Variants in ARVCF observed in about 807,000 individuals in gnomAD.
The protein encoded by ARVCF is ARVCF delta catenin family member, also known as splicing regulator ARVCF.
A neutral mutation model predicts 90.9 loss-of-function variants in ARVCF; 66 were observed. The ratio of observed to expected loss-of-function variants is 0.73; its 90% CI spans 0.60 to 0.89. ARVCF has a LOEUF of 0.89. Ranked by LOEUF, ARVCF falls within the 40% of genes least tolerant of loss-of-function variation. The probability of loss-of-function intolerance (pLI) is 0.00; values close to 1 mark genes in which losing one functional copy is unlikely to be tolerated. For missense variants in ARVCF, 1,469 were observed against 1,382.3 expected (o/e 1.06, Z -1.00); for synonymous variants, 653 against 603.4 (o/e 1.08, Z -1.21).
chr22:20,008,727 G>T (rs759168911), intron 2 of ARVCF, among the ~76,000 whole-genome samples: 2 of 152,208 alleles, frequency 1.3e-5, no homozygotes, highest in African/African-American at 2.4e-5. Context: ...AGCCCAGGTT[G>T]CCCAAGCCAG....
chr22:20,016,360 C>T (rs1346914707), intron 1 of ARVCF, among the ~76,000 whole-genome samples: 5 of 152,114 alleles, frequency 3.3e-5, no homozygotes, highest in Non-Finnish European at 7.4e-5. Context: ...CCGCCCCCGC[C>T]GGCCCGGGGT....
chr22:19,972,961 G>C lies in ARVCF; in HGVS notation c.2514C>G (p.Thr838=), dbSNP rs775623105. 6.2e-7 allele frequency: 1 copy of C among 1,613,724 alleles called. No homozygotes were observed. The highest frequency in any genetic ancestry group is 8.5e-7 in the Non-Finnish European group (1 of 1,180,042). The change falls in exon 15 of 20, where the codon ACC becomes ACG. Residue 838 remains threonine, a synonymous_variant. Coordinates refer to ENST00000263207, the MANE Select transcript of ARVCF (RefSeq NM_001670.3). The part of the protein sequence containing the change: ...TVWSYKELRG[T]LQKDGWTKAR... ...CCTTGGTCCAACCATCTTTCTGCAA[G>C]GTACCACGCAGCTCCTTGTAGCTCC...
At chr22:20,005,330 C>T (rs976176760) in intron 2 of ARVCF, among the ~76,000 whole-genome samples, 2 of 150,790 alleles carry the variant, frequency 1.3e-5, no homozygotes, top group African/African-American at 4.9e-5. Context: ...CAAATCAAGG[C>T]TGCAATGAAA....
At chr22:19,980,356 G>A in intron 5 of ARVCF, 114 bp from the exon 6 acceptor site, 9 of 1,373,394 alleles carry the variant, frequency 6.6e-6, no homozygotes, top group Non-Finnish European at 8.5e-6. Flanking sequence ...GCGCTGGGCT[G>A]AGAGCACCTG....
At chr22:19,968,520 C>A, downstream of ARVCF, 1 of 1,612,436 alleles carries the variant, frequency 6.2e-7, no homozygotes. Flanking sequence ...TCCCCCACCC[C>A]CCGGTCTGTT....
intron 19 of ARVCF, 36 bp downstream of exon 19, chr22:19,971,180 G>A (rs1308945344): frequency 1.3e-6 from 2 of 1,551,272 alleles, no homozygotes; most frequent in East Asian, 2.4e-5. Flanking sequence ...CAGAGGGCAG[G>A]AACAGGTGGA....
Position 19,972,400 on chromosome 22 carries a change from T to C in ARVCF, c.2653A>G (p.Thr885Ala). 6.2e-7 allele frequency: 1 copy of C among 1,613,514 alleles called. No homozygotes were observed. Among genetic ancestry groups the C allele is most frequent in the Non-Finnish European group, 8.5e-7 (1 of 1,179,968 alleles). The part of the protein sequence containing the change: ...LVDKSLEGEK[T>A]GSRDVIPMDA... ...ATGGGGATCACATCCCGGCTGCCAGTTTTCTCGCCCTCTGCAAGGCAGGAG... is the reference window on the plus strand; with the variant it reads ...ATGGGGATCACATCCCGGCTGCCAGCTTTCTCGCCCTCTGCAAGGCAGGAG... Residue 885 changes from threonine (T) to alanine (A), a missense_variant, in exon 17 of 20, where the codon ACT (threonine) becomes GCT (alanine). Physicochemically the swap from Thr to Ala is moderately conservative, Grantham distance 58 (BLOSUM62 0). Coordinates refer to ENST00000263207, the MANE Select transcript of ARVCF (RefSeq NM_001670.3).
At chr22:19,979,577 G>A (rs1183001177) in intron 6 of ARVCF, among the ~76,000 whole-genome samples, 166 bp downstream of exon 6, 2 of 152,224 alleles carry the variant, frequency 1.3e-5, no homozygotes, top group Non-Finnish European at 2.9e-5. Context: ...CTGTCACAGT[G>A]TCTGGGCCTG....
chr22:19,972,259 C>T, intron 17 of ARVCF, 99 bp downstream of exon 17: 6 of 1,517,906 alleles, frequency 4.0e-6, no homozygotes, highest in Non-Finnish European at 5.5e-6. Context: ...TATCTCTCCT[C>T]CACCCAGCAC....
chr22:20,012,092 C>A (rs1168493677), intron 1 of ARVCF, among the ~76,000 whole-genome samples: 2 of 140,976 alleles, frequency 1.4e-5, no homozygotes, highest in African/African-American at 5.2e-5. Context: ...CCCCCCCCCA[C>A]CCAGTTGGGG....
rs929456733 is a variant in ARVCF, at chr22:19,972,908, G to A, written c.2550+17C>T. The stretch of plus-strand genomic sequence containing the variant: ...CAAAGTGAGCAGGGAATGGAAGGAA[G>A]GCCAGGGAAGCCGCACCTGGAAGCG... On this transcript the variant is annotated intron_variant, in intron 15 of 19. Transcript: ENST00000263207. The A allele has an allele frequency of 1.2e-5, 19 of 1,613,734 alleles. No homozygotes were observed. Among genetic ancestry groups the A allele is most frequent in the African/African-American group, 5.3e-5 (4 of 74,936 alleles).
chr22:20,009,549 A>G (rs1944751980), intron 2 of ARVCF, among the ~76,000 whole-genome samples: 1 of 152,000 alleles, frequency 6.6e-6, no homozygotes, highest in South Asian at 2.1e-4. Context: ...TTTTGGGGGG[A>G]CAGGCAGATG....
In ARVCF at chr22:19,980,211, C is replaced by G. The variant is rs559742829; in HGVS notation, c.928G>C (p.Glu310Gln). 1.3e-6 allele frequency: 2 copies of G among 1,543,206 alleles called. No homozygotes were observed. The highest frequency in any genetic ancestry group is 2.3e-5 in the East Asian group (1 of 43,950). Reference protein sequence around the residue: ...AYEDTADDGGELADERPAFPM... With the variant: ...AYEDTADDGGQLADERPAFPM... ...AACGCAGGCCGCTCGTCCGCCAGCT[C>G]GCCGCCATCATCTGCTGTGTCCTCG... The change falls in exon 6 of 20, where the codon GAG becomes CAG. Residue 310 changes from glutamate (E) to glutamine (Q), a missense_variant. Transcript: ENST00000263207.
chr22:19,980,111 G>C lies in ARVCF; in HGVS notation c.1028C>G (p.Ser343Trp). The change falls in exon 6 of 20, where the codon TCG (serine) becomes TGG (tryptophan). Residue 343 changes from serine (S) to tryptophan (W), a missense_variant. Coordinates refer to ENST00000263207, the MANE Select transcript of ARVCF (RefSeq NM_001670.3). ...CTTGCGGGCGCTATCCACTGAGGGC[G>C]AGCGCCGCACCAGCCGGTCCAGGCT... is the stretch of plus-strand genomic sequence containing the variant. ...MGSLDRLVRR[S>W]PSVDSARKEP... is the part of the protein sequence containing the mutation. The C allele has an allele frequency of 6.3e-7, 1 of 1,586,818 alleles. No homozygotes were observed. Among genetic ancestry groups the C allele is most frequent in the Non-Finnish European group, 8.5e-7 (1 of 1,169,974 alleles).
chr22:19,973,903 G>A (rs1183455356), intron 12 of ARVCF, 110 bp from the exon 13 acceptor site: 5 of 1,501,788 alleles, frequency 3.3e-6, no homozygotes, highest in African/African-American at 2.8e-5. Flanking sequence ...GCCCGACAAA[G>A]CCCTACCCCA....
intron 2 of ARVCF, among the ~76,000 whole-genome samples, chr22:19,998,651 C>T (rs144474030): frequency 1.2e-3 from 177 of 152,294 alleles, no homozygotes; most frequent in African/African-American, 4.0e-3. Context: ...AAAGAACACA[C>T]TCTGCTTAGA....
Position 19,973,218 on chromosome 22 carries a change from A to C in ARVCF, c.2339T>G (p.Leu780Arg). ...GGACACGATTTCGTGGATGGTGTTG[A>C]GCACCGCCACCACGGTGTCTTCCTC... ...CLEEDTVVAV[L>R]NTIHEIVSDS... Residue 780 changes from leucine (L) to arginine (R), a missense_variant, in exon 14 of 20, where the codon CTC becomes CGC. Leu to Arg is a moderately radical substitution (Grantham distance 102). Transcript: ENST00000263207. The C allele has an allele frequency of 6.2e-7, 1 of 1,610,722 alleles. No homozygotes were observed. Among genetic ancestry groups the C allele is most frequent in the Non-Finnish European group, 8.5e-7 (1 of 1,179,196 alleles).
In ARVCF at chr22:19,973,790, C is replaced by T; in HGVS notation, c.2092G>A (p.Ala698Thr). The T allele has an allele frequency of 6.2e-7, 1 of 1,604,018 alleles. No homozygotes were observed. The highest frequency in any genetic ancestry group is 8.5e-7 in the Non-Finnish European group (1 of 1,178,510). ...QNLSAGNWMW[A>T]TYIRATVRKE... The stretch of plus-strand genomic sequence containing the variant: ...CGCACTGTGGCGCGGATGTACGTGG[C>T]CCACTGCGGAGGCGGGGAGAGGGTT... Residue 698 changes from alanine (A) to threonine (T), a missense_variant, in exon 13 of 20, where the codon GCC becomes ACC. Coordinates refer to ENST00000263207, the MANE Select transcript of ARVCF (RefSeq NM_001670.3).
In ARVCF at chr22:19,978,047, G is replaced by A. The variant is rs1943262912; in HGVS notation, c.1609C>T (p.Arg537Trp). 5.6e-6 allele frequency: 9 copies of A among 1,610,760 alleles called. No homozygotes were observed. Among genetic ancestry groups the A allele is most frequent in the African/African-American group, 2.7e-5 (2 of 74,864 alleles). ...RNVSSDGAEA[R>W]RRLRECEGLV... is the part of the protein sequence containing the mutation. ...CCTTCACACTCCCGGAGTCGCCGCC[G>A]GGCCTCAGCACCATCGGAGCTCACA... Residue 537 changes from arginine (R) to tryptophan (W), a missense_variant, in exon 8 of 20, where the codon CGG becomes TGG. Physicochemically the swap from Arg to Trp is moderately radical, Grantham distance 101 (BLOSUM62 -3). Transcript: ENST00000263207.
Sources: gnomAD v4.1 joint callset for allele counts (sites outside exome capture counted in the v4.1 genomes callset) on GRCh38, gnomAD v4.1.1 for gene constraint, MANE v1.5 for transcripts, NCBI Gene and HGNC (gene_info 2026-07-23, HGNC 2026-07-21) for gene names.